Variants in TCF7L2 observed in about 807,000 individuals in gnomAD.
The protein encoded by TCF7L2 is transcription factor 7-like 2.
In TCF7L2, 23 loss-of-function variants were observed where a neutral mutation model predicts 77.9. The ratio of observed to expected loss-of-function variants is 0.30; its 90% CI spans 0.21 to 0.42. The LOEUF (loss-of-function observed/expected upper bound fraction) is 0.42. Among genes scored for constraint, TCF7L2 ranks in the 10% least tolerant of loss-of-function variants. The pLI, the probability that TCF7L2 is intolerant of heterozygous loss-of-function variation, is 1.00. For missense variants in TCF7L2, 654 were observed against 793.1 expected (o/e 0.82, Z 2.11); for synonymous variants, 413 against 340.2 (o/e 1.21, Z -2.36).
intron 4 of TCF7L2, among the ~76,000 whole-genome samples, chr10:112,992,866 C>A (rs920759011): frequency 6.6e-6 from 1 of 151,942 alleles, no homozygotes; most frequent in Non-Finnish European, 1.5e-5. Flanking sequence ...CGAGTTCAAG[C>A]GATTCTCCTG....
At chr10:113,070,430 C>G (rs1169333161) in intron 5 of TCF7L2, among the ~76,000 whole-genome samples, 3 of 152,020 alleles carry the variant, frequency 2.0e-5, no homozygotes, top group Non-Finnish European at 4.4e-5. Flanking sequence ...ACACCACTTT[C>G]CTGTAGAATC....
At position 112,965,348 on chromosome 10, in the gene TCF7L2, G is replaced by T. The variant is rs201883835; in HGVS notation, c.450+724G>T. On this transcript the variant is annotated intron_variant, in intron 4 of 13. Transcript: ENST00000627217. ...GCTGAACTGATGCCAGCAGAATGCA[G>T]TAGAGGAGGGAGAGCAGACTAATAC... 3.9e-5 allele frequency among the ~76,000 whole-genome samples: 6 copies of T among 152,332 alleles called. No homozygotes were observed. In the East Asian group the frequency reaches 1.2e-3, roughly 29 times the overall value.
At chr10:113,147,101 A>T (rs1266581742) in intron 8 of TCF7L2, among the ~76,000 whole-genome samples, 2 of 152,164 alleles carry the variant, frequency 1.3e-5, no homozygotes. Context: ...GTTTCTAATG[A>T]TAGTTTTATT....
At chr10:113,097,656 A>AAAAACAAAAAAAAAAAAAC in intron 5 of TCF7L2, among the ~76,000 whole-genome samples, 6 of 141,088 alleles carry the variant, frequency 4.3e-5, no homozygotes, top group African/African-American at 1.3e-4. Context: ...GAAAAAAAAA[A>AAAAACAAAAAAAAAAAAAC]AAAAAAAAAA....
rs1355552613 is a variant in TCF7L2, at chr10:112,951,472, C to G, written c.257-11C>G. 2 of 1,421,792 alleles carry G rather than the reference C, an allele frequency of 1.4e-6. No homozygotes were observed. Among genetic ancestry groups the G allele is most frequent in the Admixed American group, 2.1e-5 (1 of 48,244 alleles). 88.1% of individuals were successfully genotyped at this position (1,421,792 alleles called of 1,614,324 possible). On this transcript the variant is annotated splice_polypyrimidine_tract_variant and intron_variant, in intron 2 of 13. Transcript: ENST00000627217. The stretch of plus-strand genomic sequence containing the variant: ...GGCCGCCGCTGTCCCCTCGCCGCCC[C>G]GCCATGTTAGCGGCCAAGAGGCAAG...
chr10:113,109,338 T>C (rs2062824276), intron 5 of TCF7L2, among the ~76,000 whole-genome samples: 1 of 152,188 alleles, frequency 6.6e-6, no homozygotes, highest in African/African-American at 2.4e-5. Context: ...ATAGGGATAG[T>C]GCTATCAATG....
intron 4 of TCF7L2, among the ~76,000 whole-genome samples, chr10:112,998,483 AG>A (rs1233876218): frequency 6.6e-6 from 1 of 152,196 alleles, no homozygotes; most frequent in African/African-American, 2.4e-5. Flanking sequence ...CGGACCAAAG[AG>A]AAGATTCCTT....
chr10:113,126,404 A>G lies in TCF7L2; in HGVS notation c.553-14780A>G, dbSNP rs551971453. Among the ~76,000 whole-genome samples, 3 of 152,316 alleles carry G rather than the reference A, an allele frequency of 2.0e-5. No individual in the cohort carries two copies. The East Asian group carries it at 5.8e-4, about 29-fold the overall frequency. On this transcript the variant is annotated intron_variant, in intron 5 of 13. Coordinates refer to ENST00000627217, the MANE Select transcript of TCF7L2 (RefSeq NM_001146274.2). ...AGCTATTAAAGCGTAATTTCACTGG[A>G]GAACTGCAAAGCATTACTTTCACCA...
chr10:113,102,213 C>T (rs1455296507), intron 5 of TCF7L2, among the ~76,000 whole-genome samples: 1 of 149,200 alleles, frequency 6.7e-6, no homozygotes, highest in East Asian at 2.0e-4. Context: ...GGAGCGTGTG[C>T]TCTGTACTCT....
At chr10:113,099,476 A>T (rs1315496101) in intron 5 of TCF7L2, among the ~76,000 whole-genome samples, 1 of 152,066 alleles carries the variant, frequency 6.6e-6, no homozygotes. Context: ...GTGCATCCCC[A>T]CCCAGGCTCT....
intron 5 of TCF7L2, among the ~76,000 whole-genome samples, chr10:113,104,711 GT>G (rs1295057568): frequency 6.6e-6 from 1 of 152,182 alleles, no homozygotes; most frequent in Non-Finnish European, 1.5e-5. Context: ...ACACCTGGAT[GT>G]TTACAAAGCC....
intron 5 of TCF7L2, among the ~76,000 whole-genome samples, chr10:113,084,925 A>G (rs1224477904): frequency 6.6e-6 from 1 of 151,892 alleles, no homozygotes; most frequent in Non-Finnish European, 1.5e-5. Context: ...AAAAAAAACA[A>G]AAAACCCTGA....
intron 5 of TCF7L2, among the ~76,000 whole-genome samples, chr10:113,112,954 C>A (rs184795618): frequency 6.6e-6 from 1 of 152,060 alleles, no homozygotes; most frequent in African/African-American, 2.4e-5. Context: ...TTTGTCATTG[C>A]GGTTTATAAA....
rs115222311 is a variant in TCF7L2 at position 113,089,347 on chromosome 10, G to A, written c.552+49221G>A. ...TGGGGGCTGTGTGTGCCTTGGTGACGTGTCCCCCTCGCTCCCGAGCCTTAC... is the reference window on the plus strand; with the variant it reads ...TGGGGGCTGTGTGTGCCTTGGTGACATGTCCCCCTCGCTCCCGAGCCTTAC... On this transcript the variant is annotated intron_variant, in intron 5 of 13. Coordinates refer to ENST00000627217, the MANE Select transcript of TCF7L2 (RefSeq NM_001146274.2). The A allele has an allele frequency of 7.4e-4, 1,162 of 1,575,120 alleles. 10 individuals carry two copies. In the African/African-American group the frequency reaches 0.013, roughly 18 times the overall value.
chr10:113,143,770 A>G (rs538937631), intron 6 of TCF7L2, among the ~76,000 whole-genome samples, 153 bp from the exon 7 acceptor site: 1 of 152,300 alleles, frequency 6.6e-6, no homozygotes, highest in South Asian at 2.1e-4. Context: ...GATGAAACCT[A>G]CCAACAACTC....
chr10:113,129,571 A>G, intron 5 of TCF7L2: 1 of 1,003,440 alleles, frequency 1.0e-6, no homozygotes, highest in South Asian at 4.1e-5. Flanking sequence ...TATTTTTAAG[A>G]TTTTTTTAGG....
intron 5 of TCF7L2, among the ~76,000 whole-genome samples, chr10:113,115,762 C>T (rs763511506): frequency 2.6e-5 from 4 of 152,054 alleles, no homozygotes; most frequent in East Asian, 1.9e-4. Flanking sequence ...AAGGACAGCG[C>T]GCGGTTTTAA....
intron 5 of TCF7L2, among the ~76,000 whole-genome samples, chr10:113,058,795 G>A (rs1207532411): frequency 6.6e-6 from 1 of 152,120 alleles, no homozygotes; most frequent in African/African-American, 2.4e-5. Context: ...GAGTGACAGG[G>A]TTTGATAGTA....
At chr10:112,991,162 C>T (rs944612973) in intron 4 of TCF7L2, among the ~76,000 whole-genome samples, 3 of 152,160 alleles carry the variant, frequency 2.0e-5, no homozygotes, top group Non-Finnish European at 2.9e-5. Context: ...GGGAAGCTAA[C>T]AGAGATCTTG....
Sources: gnomAD v4.1 joint callset for allele counts (sites outside exome capture counted in the v4.1 genomes callset) on GRCh38, gnomAD v4.1.1 for gene constraint, MANE v1.5 for transcripts, NCBI Gene and HGNC (gene_info 2026-07-23, HGNC 2026-07-21) for gene names.